Variants in LRRC63 observed in about 807,000 individuals in gnomAD.
The protein encoded by LRRC63 is leucine-rich repeat-containing protein 63.
Under a neutral mutation model 49.5 loss-of-function variants are expected in LRRC63, and 40 were observed. The ratio of observed to expected loss-of-function variants is 0.81; its 90% CI spans 0.63 to 1.05. The LOEUF (loss-of-function observed/expected upper bound fraction) is 1.05. LRRC63 is among the 50% of genes least tolerant of loss of function. The pLI is 0.00. For missense variants in LRRC63, 636 were observed against 663.1 expected (o/e 0.96, Z 0.45); for synonymous variants, 191 against 221.1 (o/e 0.86, Z 1.21).
chr13:46,242,274 C>T (rs537526504), intron 5 of LRRC63, among the ~76,000 whole-genome samples: 3 of 151,914 alleles, frequency 2.0e-5, no homozygotes, highest in South Asian at 2.1e-4. Context: ...TGAGAACACA[C>T]GGACACATAG....
intron 4 of LRRC63, among the ~76,000 whole-genome samples, chr13:46,229,048 A>T (rs2046665521): frequency 6.6e-6 from 1 of 152,210 alleles, no homozygotes; most frequent in Admixed American, 6.5e-5. Flanking sequence ...AATGAAAAAT[A>T]TATTTGAAGA....
At chr13:46,276,545 A>C in intron 9 of LRRC63, 45 bp from the exon 10 acceptor site, 1 of 959,566 alleles carries the variant, frequency 1.0e-6, no homozygotes, top group South Asian at 5.3e-5. Flanking sequence ...CAGAGTCTTT[A>C]GTAAAAATTT....
At position 46,250,497 on chromosome 13, in the gene LRRC63, G is replaced by T. The variant is rs949432339; in HGVS notation, c.1226+6G>T. 3 of 1,511,842 alleles carry T rather than the reference G, an allele frequency of 2.0e-6. No homozygotes were observed. The highest frequency in any genetic ancestry group is 2.7e-6 in the Non-Finnish European group (3 of 1,124,284). 93.7% of individuals were successfully genotyped at this position (1,511,842 alleles called of 1,614,324 possible). A position where few individuals can be genotyped will look rare whatever the true frequency, so the allele number is the denominator to read the frequency against. On this transcript the variant is annotated splice_donor_region_variant and intron_variant, in intron 7 of 9. Transcript: ENST00000595396. ...ATTACTGTTCTTCCAATTGGGTAAG[G>T]TTGATGGTCTGAGATTATAAACACA...
At chr13:46,257,659 G>C (rs566202524) in intron 7 of LRRC63, among the ~76,000 whole-genome samples, 1 of 152,144 alleles carries the variant, frequency 6.6e-6, no homozygotes, top group Non-Finnish European at 1.5e-5. Context: ...GGAACAAAGT[G>C]GGGGTTTGTG....
intron 5 of LRRC63, among the ~76,000 whole-genome samples, chr13:46,242,498 A>T (rs1361136521): frequency 6.6e-6 from 1 of 152,168 alleles, no homozygotes; most frequent in Non-Finnish European, 1.5e-5. Context: ...CCTAGAAAAC[A>T]TATTTAAGGA....
At position 46,269,618 on chromosome 13, in the gene LRRC63, T is replaced by C. The variant is rs143251656; in HGVS notation, c.1550+2646T>C. Among the ~76,000 whole-genome samples, 372 of 152,094 alleles carry C rather than the reference T, an allele frequency of 2.4e-3. 9 individuals are homozygous for C. In the East Asian group the frequency reaches 0.051, roughly 21 times the overall value. On this transcript the variant is annotated intron_variant, in intron 9 of 9. Coordinates refer to ENST00000595396, the Ensembl canonical transcript of LRRC63. The stretch of plus-strand genomic sequence containing the variant: ...GTAGAAGGCTCTCTGTATGACTTCA[T>C]GGTAGGCAGACATATCTTAACTGCA...
intron 9 of LRRC63, among the ~76,000 whole-genome samples, chr13:46,273,303 A>C (rs1421446447): frequency 6.6e-6 from 1 of 152,142 alleles, no homozygotes; most frequent in African/African-American, 2.4e-5. Flanking sequence ...CCAGAACAAA[A>C]CATCCATAAA....
chr13:46,217,409 T>C (rs2046282713), intron 2 of LRRC63, among the ~76,000 whole-genome samples: 1 of 152,234 alleles, frequency 6.6e-6, no homozygotes, highest in Admixed American at 6.5e-5. Flanking sequence ...GAGGTGTTTA[T>C]AGTATTCTCT....
In LRRC63 at chr13:46,227,494, T is replaced by G. The variant is rs116052218; in HGVS notation, c.86-18T>G. 8.5e-4 allele frequency: 1,212 copies of G among 1,421,594 alleles called. 8 individuals are homozygous for G. The African/African-American group carries it at 0.016, about 18-fold the overall frequency. 88.1% of individuals were successfully genotyped at this position (1,421,594 alleles called of 1,614,324 possible). On this transcript the variant is annotated intron_variant, in intron 2 of 9. Transcript: ENST00000595396. Reference sequence around the variant, plus strand: ...TTGATAAATATAATTTAATTTTTCTTTTTTTCTTTTGGTTTAGCTAAAACT... The same window carrying G: ...TTGATAAATATAATTTAATTTTTCTGTTTTTCTTTTGGTTTAGCTAAAACT...
At chr13:46,227,641 A>G (rs1444134126) in exon 3 of LRRC63, 2 of 1,550,314 alleles carry the variant, frequency 1.3e-6, no homozygotes, top group Non-Finnish European at 1.7e-6. Flanking sequence ...AATATCCAAA[A>G]TATCTTTCTT....
chr13:46,257,095 A>G (rs2047524202), intron 7 of LRRC63, among the ~76,000 whole-genome samples: 1 of 152,172 alleles, frequency 6.6e-6, no homozygotes, highest in South Asian at 2.1e-4. Flanking sequence ...TGTCAGAGAG[A>G]TACCACCTGA....
In LRRC63 at chr13:46,232,460, G is replaced by A. The variant is rs564103551; in HGVS notation, c.833-1732G>A. Among the ~76,000 whole-genome samples, 6 of 152,338 alleles carry A rather than the reference G, an allele frequency of 3.9e-5. No homozygotes were observed. The East Asian group carries it at 1.2e-3, about 29-fold the overall frequency. On this transcript the variant is annotated intron_variant, in intron 4 of 9. Coordinates refer to ENST00000595396, the Ensembl canonical transcript of LRRC63. ...AGATGGATAATAGAGTTCAAGCTCT[G>A]CCAAAGTGTTGGGGCCTTTGTAAAC...
At chr13:46,222,029 A>G (rs1293800844) in intron 2 of LRRC63, among the ~76,000 whole-genome samples, 1 of 152,098 alleles carries the variant, frequency 6.6e-6, no homozygotes, top group Non-Finnish European at 1.5e-5. Context: ...GTTATTTTTT[A>G]TCTTTTTAAT....
chr13:46,275,799 G>T (rs771982604), intron 9 of LRRC63, among the ~76,000 whole-genome samples: 1 of 151,920 alleles, frequency 6.6e-6, no homozygotes, highest in Non-Finnish European at 1.5e-5. Context: ...TTTTTAATTC[G>T]AGATTAGTCC....
chr13:46,268,557 A>G (rs1336829539), intron 9 of LRRC63, among the ~76,000 whole-genome samples: 1 of 151,938 alleles, frequency 6.6e-6, no homozygotes. Flanking sequence ...ATCCCTTACA[A>G]AAAACAACAA....
intron 2 of LRRC63, among the ~76,000 whole-genome samples, chr13:46,216,258 G>A (rs2046248372): frequency 6.6e-6 from 1 of 152,172 alleles, no homozygotes; most frequent in African/African-American, 2.4e-5. Flanking sequence ...AGCATGGAAT[G>A]TTTTTCCATT....
At chr13:46,272,521 A>T (rs1224868996) in intron 9 of LRRC63, among the ~76,000 whole-genome samples, 1 of 152,256 alleles carries the variant, frequency 6.6e-6, no homozygotes, top group Non-Finnish European at 1.5e-5. Context: ...TATGACTATC[A>T]TCATGTATCA....
chr13:46,218,431 TTG>T (rs138986820), intron 2 of LRRC63, among the ~76,000 whole-genome samples: 71,120 of 149,908 alleles, frequency 0.47, 18,190 homozygotes, highest in African/African-American at 0.66. Context: ...CTGCTTTTTT[TTG>T]TTTTGCTTTC....
intron 9 of LRRC63, 133 bp downstream of exon 9, chr13:46,267,105 T>C: frequency 4.7e-6 from 4 of 844,088 alleles, no homozygotes; most frequent in Non-Finnish European, 6.9e-6. Context: ...ATACACACAA[T>C]TCTTCAAATC....
Sources: allele counts gnomAD v4.1 joint callset (sites outside exome capture counted in the v4.1 genomes callset), GRCh38; gene constraint gnomAD v4.1.1; transcripts MANE v1.5; gene names NCBI Gene and HGNC (gene_info 2026-07-23, HGNC 2026-07-21).